The following CERK variants were observed in gnomAD, a reference collection of about 807,000 sequenced individuals.
CERK encodes the protein acylsphingosine kinase.
Under a neutral mutation model 63.4 loss-of-function variants are expected in CERK, and 39 were observed. The observed-to-expected ratio is 0.61, with a 90% CI of 0.48 to 0.80. The LOEUF is 0.80. Ranked by LOEUF, CERK falls within the 30% of genes least tolerant of loss-of-function variation. CERK has a pLI of 0.00. For missense variants in CERK, 670 were observed against 714.1 expected, an observed-to-expected ratio of 0.94 and a Z score of 0.70; for synonymous variants, 302 against 280.0, an observed-to-expected ratio of 1.08 and a Z score of -0.78.
In CERK at chr22:46,693,411, G is replaced by C; in HGVS notation, c.1126+16C>G. 3 of 1,611,012 alleles carry C rather than the reference G, an allele frequency of 1.9e-6. No homozygotes were observed. The South Asian group carries it at 3.3e-5, about 18-fold the overall frequency. ...CACACACAGTGACAACACTGAGCCT[G>C]TGTTTTAGGAATTACCCGCAGCTTC... On this transcript the variant is annotated intron_variant, in intron 10 of 12. Coordinates refer to ENST00000216264, the MANE Select transcript of CERK (RefSeq NM_022766.6).
intron 1 of CERK, 65 bp downstream of exon 1, chr22:46,737,942 G>A (rs2082983734): frequency 3.0e-5 from 33 of 1,100,328 alleles, no homozygotes; most frequent in Non-Finnish European, 3.6e-5. Context: ...CCCCCAGCCG[G>A]GTCCCCCAAG....
rs893670757 is a variant in CERK, at chr22:46,714,453, C to T, written c.380-2160G>A. Among the ~76,000 whole-genome samples the T allele has an allele frequency of 6.6e-6, 1 of 152,116 alleles. No homozygotes were observed. Among genetic ancestry groups the T allele is most frequent in the African/African-American group, 2.4e-5 (1 of 41,414 alleles). ...AGTGAGACATTACTCCAGATTCTAC[C>T]AATATTACAAAGAAAATGAAAGAAT... On this transcript the variant is annotated intron_variant, in intron 3 of 12. Transcript: ENST00000216264. This position sits in a 1 kb window ranked among gnomAD's most constrained non-coding sequence, Gnocchi z 4.4.
chr22:46,700,275 C>T (rs1278807295), intron 7 of CERK, among the ~76,000 whole-genome samples: 1 of 151,610 alleles, frequency 6.6e-6, no homozygotes, highest in Non-Finnish European at 1.5e-5. Flanking sequence ...TGCCTGTAAT[C>T]CCAGCTACTT....
Position 46,689,461 on chromosome 22 carries a change from C to T in CERK, c.1541+531G>A, listed in dbSNP as rs183456165. On this transcript the variant is annotated intron_variant, in intron 12 of 12. Transcript: ENST00000216264. ...TCTCGGCTCACTGCAACTTCTGCCT[C>T]CTGGGTTCAAGCGACTCTCCTGCCT... 7.5e-4 allele frequency among the ~76,000 whole-genome samples: 115 copies of T among 152,350 alleles called. 1 individual carries two copies. The highest frequency in any genetic ancestry group is 2.7e-3 in the African/African-American group (113 of 41,586).
intron 8 of CERK, 92 bp from the exon 9 acceptor site, chr22:46,695,407 C>T (rs367790780): frequency 5.7e-5 from 47 of 820,626 alleles, no homozygotes; most frequent in Admixed American, 3.6e-5. Flanking sequence ...TGTCGCTGAG[C>T]GCGCATCTGC....
At chr22:46,737,423 C>T (rs1215670785) in intron 1 of CERK, among the ~76,000 whole-genome samples, 1 of 152,248 alleles carries the variant, frequency 6.6e-6, no homozygotes, top group Non-Finnish European at 1.5e-5. Flanking sequence ...TTCTCCTCAT[C>T]CGGAGGGCCT....
chr22:46,706,472 G>C (rs1172277689), intron 6 of CERK, among the ~76,000 whole-genome samples: 1 of 152,112 alleles, frequency 6.6e-6, no homozygotes, highest in Non-Finnish European at 1.5e-5. Flanking sequence ...GGGGTGCTGA[G>C]AGCTTTTTCT....
intron 3 of CERK, among the ~76,000 whole-genome samples, chr22:46,712,546 T>C (rs964264782): frequency 1.3e-5 from 2 of 150,012 alleles, no homozygotes; most frequent in African/African-American, 2.5e-5. Flanking sequence ...GAACTCAGAA[T>C]TCCGACTGAG....
At chr22:46,720,642 C>T (rs113175799) in intron 2 of CERK, among the ~76,000 whole-genome samples, 6,027 of 152,108 alleles carry the variant, frequency 0.04, 397 homozygotes, top group African/African-American at 0.14. Flanking sequence ...GTTGAACTAG[C>T]CGAGACCGCG....
At chr22:46,698,753 T>C (rs1477223228) in intron 8 of CERK, among the ~76,000 whole-genome samples, 2 of 148,556 alleles carry the variant, frequency 1.3e-5, no homozygotes, top group Non-Finnish European at 3.0e-5. Flanking sequence ...AAAAAAAAAT[T>C]AGCTGGTCAC....
intron 4 of CERK, 68 bp downstream of exon 4, chr22:46,712,100 C>T (rs959414259): frequency 3.0e-5 from 47 of 1,569,378 alleles, no homozygotes; most frequent in African/African-American, 8.1e-5. Context: ...AAAGCAGAAA[C>T]GTCTCTAGTG....
chr22:46,687,916 G>A (rs73176542), intron 12 of CERK, among the ~76,000 whole-genome samples: 49,267 of 152,092 alleles, frequency 0.32, 10,293 homozygotes, highest in Non-Finnish European at 0.48. Context: ...ACAGGCTGGG[G>A]CAGGGCACAG....
Position 46,714,316 on chromosome 22 carries a change from C to T in CERK, c.380-2023G>A, listed in dbSNP as rs1357244501. On this transcript the variant is annotated intron_variant, in intron 3 of 12. Coordinates refer to ENST00000216264, the MANE Select transcript of CERK (RefSeq NM_022766.6). The surrounding 1 kb of genome is among the most constrained non-coding windows in gnomAD (Gnocchi z 4.4). ...CAAATTAGCTGGGTGTGGTGGTATG[C>T]CCTTGTAGTCCCAGCTACTCTGGAG... is the stretch of plus-strand genomic sequence containing the variant. Among the ~76,000 whole-genome samples the T allele has an allele frequency of 6.6e-5, 10 of 152,022 alleles. No individual in the cohort carries two copies. Among genetic ancestry groups the T allele is most frequent in the African/African-American group, 2.4e-5 (1 of 41,368 alleles).
At chr22:46,711,275 T>C in intron 4 of CERK, 126 bp from the exon 5 acceptor site, 1 of 716,884 alleles carries the variant, frequency 1.4e-6, no homozygotes, top group Non-Finnish European at 2.5e-6. Flanking sequence ...TAGATAAAAT[T>C]CCCTCTTCAA....
intron 5 of CERK, among the ~76,000 whole-genome samples, chr22:46,710,434 G>GA (rs113298775): frequency 0.055 from 5,688 of 103,682 alleles, 357 homozygotes; most frequent in African/African-American, 0.17. Context: ...CCTCAAAAAC[G>GA]AAAAAAAAAA....
At chr22:46,697,195 C>T (rs1229129378) in intron 8 of CERK, among the ~76,000 whole-genome samples, 3 of 152,178 alleles carry the variant, frequency 2.0e-5, no homozygotes, top group Non-Finnish European at 2.9e-5. Context: ...AGGAATTACT[C>T]GATTTAATTT....
Position 46,737,998 on chromosome 22 carries a change from G to A in CERK, c.142+9C>T, listed in dbSNP as rs2082984044. 8.5e-7 allele frequency: 1 copy of A among 1,170,232 alleles called. No individual in the cohort carries two copies. Among genetic ancestry groups the A allele is most frequent in the East Asian group, 4.0e-5 (1 of 24,954 alleles). 72.5% of individuals were successfully genotyped at this position (1,170,232 alleles called of 1,614,324 possible). On this transcript the variant is annotated intron_variant, in intron 1 of 12. Coordinates refer to ENST00000216264, the MANE Select transcript of CERK (RefSeq NM_022766.6). ...GGTCCGGCCGAACCCGGGCGGCGGC[G>A]ACACTCACCCGCGCCGGGGGCGCCG...
intron 8 of CERK, among the ~76,000 whole-genome samples, chr22:46,698,739 A>C (rs952419203): frequency 1.8e-4 from 3 of 17,104 alleles, no homozygotes; most frequent in East Asian, 5.0e-4. Flanking sequence ...AAAATATACA[A>C]AAAAAAAAAA....
At chr22:46,711,868 G>C (rs917963337) in intron 4 of CERK, among the ~76,000 whole-genome samples, 8 of 152,158 alleles carry the variant, frequency 5.3e-5, no homozygotes, top group Non-Finnish European at 1.0e-4. Context: ...GGGCAACATT[G>C]CTTGAGCCCA....
Sources: allele counts gnomAD v4.1 joint callset (sites outside exome capture counted in the v4.1 genomes callset), GRCh38; gene constraint gnomAD v4.1.1; non-coding constraint Gnocchi (gnomAD v3.1); transcripts MANE v1.5; gene names NCBI Gene and HGNC (gene_info 2026-07-23, HGNC 2026-07-21).